Variants in GDPD5 observed in about 807,000 individuals in gnomAD.
GDPD5 encodes the protein glycerophosphodiester phosphodiesterase 2.
In GDPD5, 48 loss-of-function variants were observed where a neutral mutation model predicts 75.1. The observed-to-expected ratio is 0.64, with a 90% CI of 0.51 to 0.81. GDPD5 has a LOEUF of 0.81. GDPD5 is among the 40% of genes least tolerant of loss of function. The pLI is 0.00. For synonymous variants in GDPD5, 336 were observed against 339.0 expected (o/e 0.99, Z 0.10); for missense variants, 706 against 822.6 (o/e 0.86, Z 1.73).
rs762592842 is a variant in GDPD5 at position 75,462,824 on chromosome 11, G to A, written c.183C>T (p.Phe61=). ...TFGLTLTWLY[F]WWEVHNDYDE... is the part of the protein sequence containing the mutation. ...CATAGTCATTGTGGACTTCCCACCA[G>A]AAGTAAAGCCAGGTGAGCGTGAGGC... Residue 61 remains phenylalanine (F), a synonymous_variant, in exon 4 of 17, where the codon TTC becomes TTT. Transcript: ENST00000336898. 2.5e-6 allele frequency: 4 copies of A among 1,613,934 alleles called. No individual in the cohort carries two copies. In the African/African-American group the frequency reaches 5.3e-5, roughly 22 times the overall value.
intron 1 of GDPD5, chr11:75,506,639 A>C (rs1393096941): frequency 2.6e-5 from 4 of 152,446 alleles, no homozygotes; most frequent in Non-Finnish European, 5.9e-5. Context: ...ATCTGACCGA[A>C]GTCTGAGACC....
intron 1 of GDPD5, among the ~76,000 whole-genome samples, chr11:75,518,074 G>A (rs1950681544): frequency 6.6e-6 from 1 of 152,258 alleles, no homozygotes; most frequent in African/African-American, 2.4e-5. Flanking sequence ...GCCAGTCTCA[G>A]AGACCTGGCC....
At chr11:75,475,100 G>A (rs1484294097) in intron 3 of GDPD5, among the ~76,000 whole-genome samples, 1 of 152,214 alleles carries the variant, frequency 6.6e-6, no homozygotes, top group Non-Finnish European at 1.5e-5. Context: ...CCTGCATACA[G>A]TAGGTACTCA....
At chr11:75,447,366 C>T (rs996284874) in intron 9 of GDPD5, among the ~76,000 whole-genome samples, 1 of 152,134 alleles carries the variant, frequency 6.6e-6, no homozygotes, top group Non-Finnish European at 1.5e-5. Context: ...TTAATATTGG[C>T]TGGGTGTAAT....
Position 75,437,060 on chromosome 11 carries a change from G to A in GDPD5, c.1557-12C>T, listed in dbSNP as rs370697890. The A allele has an allele frequency of 2.5e-6, 4 of 1,601,704 alleles. No individual in the cohort carries two copies. Among genetic ancestry groups the A allele is most frequent in the Non-Finnish European group, 3.4e-6 (4 of 1,170,318 alleles). On this transcript the variant is annotated splice_polypyrimidine_tract_variant and intron_variant, in intron 15 of 16. Coordinates refer to ENST00000336898, the MANE Select transcript of GDPD5 (RefSeq NM_030792.8). ...CACCCAGGCGCCACCTGCAGAGATGGCCCCGTGGGCATCAGGTCTCTCCTC... is the reference window on the plus strand; with the variant it reads ...CACCCAGGCGCCACCTGCAGAGATGACCCCGTGGGCATCAGGTCTCTCCTC...
At chr11:75,467,685 G>A (rs565458217) in intron 3 of GDPD5, among the ~76,000 whole-genome samples, 4 of 152,200 alleles carry the variant, frequency 2.6e-5, no homozygotes, top group Non-Finnish European at 5.9e-5. Flanking sequence ...GGCTGTGGAT[G>A]GGGTAGGATG....
chr11:75,493,932 C>T (rs1345756725), intron 1 of GDPD5, among the ~76,000 whole-genome samples: 7 of 151,786 alleles, frequency 4.6e-5, no homozygotes, highest in Admixed American at 4.6e-4. Context: ...CTGCAACTCA[C>T]ATTACTCACA....
At chr11:75,456,911 C>A in intron 5 of GDPD5, 95 bp from the exon 6 acceptor site, 1 of 1,269,552 alleles carries the variant, frequency 7.9e-7, no homozygotes, top group Non-Finnish European at 1.1e-6. Context: ...CGGCTCTGGG[C>A]CTGACCCTGG....
intron 7 of GDPD5, 116 bp from the exon 8 acceptor site, chr11:75,449,726 G>C: frequency 1.6e-6 from 2 of 1,275,146 alleles, no homozygotes; most frequent in Non-Finnish European, 1.1e-6. Flanking sequence ...TCTGCCAACT[G>C]GGGACACTGG....
intron 3 of GDPD5, among the ~76,000 whole-genome samples, chr11:75,475,859 C>T (rs987128695): frequency 2.6e-5 from 4 of 152,228 alleles, no homozygotes; most frequent in Non-Finnish European, 5.9e-5. Flanking sequence ...AGACCCTAGC[C>T]TTGCAGGGCA....
At chr11:75,520,265 G>A (rs1950729625) in intron 1 of GDPD5, among the ~76,000 whole-genome samples, 1 of 152,246 alleles carries the variant, frequency 6.6e-6, no homozygotes, top group Non-Finnish European at 1.5e-5. Context: ...TGGGCAAGAA[G>A]ACTCATGCTG....
intron 2 of GDPD5, among the ~76,000 whole-genome samples, chr11:75,481,846 C>G (rs1033576842): frequency 1.3e-5 from 2 of 152,070 alleles, no homozygotes; most frequent in Admixed American, 1.3e-4. Flanking sequence ...CTCGCATTGA[C>G]TTGCTCTGTG....
chr11:75,452,557 A>C (rs1414440419), intron 6 of GDPD5, among the ~76,000 whole-genome samples: 1 of 152,208 alleles, frequency 6.6e-6, no homozygotes, highest in Non-Finnish European at 1.5e-5. Flanking sequence ...GCACCCAATA[A>C]AGGATGGTTA....
chr11:75,488,794 C>T (rs996060340), intron 2 of GDPD5, among the ~76,000 whole-genome samples: 2 of 152,202 alleles, frequency 1.3e-5, no homozygotes, highest in Non-Finnish European at 2.9e-5. Context: ...GGCCTCAGTG[C>T]GCTGTAATTA....
chr11:75,485,877 C>T (rs909529065), intron 2 of GDPD5: 4 of 152,310 alleles, frequency 2.6e-5, no homozygotes, highest in South Asian at 2.1e-4. Context: ...GATGGGAGGC[C>T]GACCTTTGGC....
intron 2 of GDPD5, among the ~76,000 whole-genome samples, chr11:75,488,413 T>A (rs989402186): frequency 3.9e-5 from 6 of 152,022 alleles, no homozygotes; most frequent in African/African-American, 1.5e-4. Flanking sequence ...TGGCTCTTCC[T>A]AAGTCCCAGG....
intron 1 of GDPD5, among the ~76,000 whole-genome samples, chr11:75,496,900 C>A (rs1418535773): frequency 1.3e-5 from 2 of 151,562 alleles, no homozygotes; most frequent in Non-Finnish European, 2.9e-5. Context: ...CCCGCCTCAG[C>A]CTCCTGAGTC....
intron 4 of GDPD5, among the ~76,000 whole-genome samples, chr11:75,460,595 C>A (rs938974415): frequency 5.3e-5 from 8 of 152,092 alleles, no homozygotes; most frequent in African/African-American, 1.9e-4. Flanking sequence ...CAGGCATATG[C>A]CACCACACCT....
At chr11:75,450,823 C>G (rs942828239) in intron 6 of GDPD5, 3 of 151,736 alleles carry the variant, frequency 2.0e-5, no homozygotes, top group African/African-American at 7.3e-5. Context: ...CGTGCCTCCC[C>G]GAAGCCCAGG....
Sources: gnomAD v4.1 joint callset for allele counts (sites outside exome capture counted in the v4.1 genomes callset) on GRCh38, gnomAD v4.1.1 for gene constraint, MANE v1.5 for transcripts, NCBI Gene and HGNC (gene_info 2026-07-23, HGNC 2026-07-21) for gene names.